The following IL17REL variants were observed in gnomAD, a reference collection of about 807,000 sequenced individuals.
IL17REL encodes interleukin-17 receptor E-like protein.
Under a neutral mutation model 49.0 loss-of-function variants are expected in IL17REL, and 36 were observed. The ratio of observed to expected loss-of-function variants is 0.73; its 90% CI spans 0.56 to 0.97. The LOEUF is 0.97. Among genes scored for constraint, IL17REL ranks in the 50% least tolerant of loss-of-function variants. The pLI is 0.00. For missense variants in IL17REL, 470 were observed against 453.9 expected (o/e 1.04, Z -0.32); for synonymous variants, 206 against 192.4 (o/e 1.07, Z -0.58).
chr22:49,999,719 G>C (rs1601887177), intron 5 of IL17REL, 109 bp downstream of exon 7: 2 of 219,690 alleles, frequency 9.1e-6, no homozygotes, highest in Non-Finnish European at 1.1e-5. Context: ...GGCGGGGCGC[G>C]GGGGGTGGGC....
intron 1 of IL17REL, among the ~76,000 whole-genome samples, chr22:50,002,629 G>A (rs1371912080): frequency 6.6e-6 from 1 of 151,848 alleles, no homozygotes; most frequent in African/African-American, 2.4e-5. Context: ...CGAGTAGTCG[G>A]GATTACAGGC....
At chr22:50,001,039 G>C (rs2061076619) in intron 2 of IL17REL, 43 bp downstream of exon 3, 1 of 1,456,034 alleles carries the variant, frequency 6.9e-7, no homozygotes, top group Non-Finnish European at 9.4e-7. Context: ...GCCCACTGCT[G>C]GACCTGCGGG....
intron 1 of IL17REL, among the ~76,000 whole-genome samples, chr22:50,006,152 C>T (rs2061109358): frequency 6.6e-6 from 1 of 152,008 alleles, no homozygotes; most frequent in South Asian, 2.1e-4. Flanking sequence ...TGAGCTAGGC[C>T]TTGACCTGGG....
chr22:50,000,664 A>G (rs891228367), intron 3 of IL17REL, 72 bp from the exon 5 acceptor site: 18 of 1,545,606 alleles, frequency 1.2e-5, no homozygotes, highest in Non-Finnish European at 1.5e-5. Flanking sequence ...CTCCACTTGC[A>G]TGGCTGGAGC....
chr22:49,999,729 C>CG lies in IL17REL; in HGVS notation c.474+98dup, dbSNP rs1211316911. On this transcript the variant is annotated intron_variant, in intron 5 of 12. Transcript: ENST00000341280. ...CCGGGGGCGGGGCGCGGGGGGTGGG[C>CG]GGGGCGCGGGGTGGGCGGGGCCTAA... 70 of 506,694 alleles carry CG rather than the reference C, an allele frequency of 1.4e-4. 3 individuals are homozygous for CG. In the South Asian group the frequency reaches 3.4e-3, roughly 25 times the overall value. The allele number at this position is 506,694 out of a possible 1,614,324, so 31.4% of individuals were successfully genotyped here. A position where few individuals can be genotyped will look rare whatever the true frequency, so the allele number is the denominator to read the frequency against.
intron 5 of IL17REL, 96 bp from the exon 8 acceptor site, chr22:49,999,598 G>A: frequency 1.0e-6 from 1 of 997,110 alleles, no homozygotes; most frequent in Admixed American, 2.1e-5. Flanking sequence ...GAGCGGGGAC[G>A]GGAGGTGGGT....
intron 5 of IL17REL, 92 bp downstream of exon 7, chr22:49,999,719 GGGGGGTGGGCGGGGCGC>G (rs1490686407): frequency 0.094 from 20,557 of 219,664 alleles, 2,553 homozygotes; most frequent in Admixed American, 0.23. Context: ...GGCGGGGCGC[GGGGGGTGGGCGGGGCGC>G]GGGGTGGGCG....
At chr22:49,994,684 G>A (rs532610191) in exon 13 of IL17REL, 23 of 152,524 alleles carry the variant, frequency 1.5e-4, no homozygotes, top group African/African-American at 5.1e-4. Context: ...GACTGCGGTG[G>A]GAGTGCATCT....
rs755837483 is a variant in IL17REL at position 49,998,189 on chromosome 22, G to A, written c.722C>T (p.Pro241Leu). The change falls in exon 8 of 13, where the codon CCG becomes CTG. Residue 241 changes from proline (P) to leucine (L), a missense_variant. Coordinates refer to ENST00000341280, the Ensembl canonical transcript of IL17REL. ...CTGCAGCTTACGGCAGCCGGCCCCC[G>A]GCCCCGGGCGCCAGCACAGGCTCAC... is the stretch of plus-strand genomic sequence containing the variant. 228 of 1,611,246 alleles carry A rather than the reference G, an allele frequency of 1.4e-4. 1 individual carries two copies. In the South Asian group the frequency reaches 1.6e-3, roughly 11 times the overall value.
At chr22:49,998,406 G>A in intron 7 of IL17REL, 97 bp from the exon 10 acceptor site, 2 of 1,121,064 alleles carry the variant, frequency 1.8e-6, no homozygotes, top group African/African-American at 3.7e-5. Context: ...ACTGGGCCAG[G>A]GTCCAGCGCA....
chr22:49,998,529 T>C (rs2061051786), intron 7 of IL17REL, among the ~76,000 whole-genome samples: 1 of 150,774 alleles, frequency 6.6e-6, no homozygotes, highest in Admixed American at 6.6e-5. Flanking sequence ...TGTGTGCCTG[T>C]GCATGGGTGT....
intron 1 of IL17REL, among the ~76,000 whole-genome samples, chr22:50,003,122 G>A (rs926408752): frequency 6.6e-6 from 1 of 152,162 alleles, no homozygotes; most frequent in Non-Finnish European, 1.5e-5. Flanking sequence ...AGAGGATAAC[G>A]CAGAGAGAGC....
At chr22:49,995,844 G>A (rs895867480) in exon 13 of IL17REL, 1 of 152,822 alleles carries the variant, frequency 6.5e-6, no homozygotes. Context: ...ACCTGAGCCA[G>A]GCCCGGTCCT....
intron 1 of IL17REL, among the ~76,000 whole-genome samples, 181 bp from the exon 3 acceptor site, chr22:50,001,412 G>C (rs1190893584): frequency 6.6e-6 from 1 of 152,156 alleles, no homozygotes; most frequent in Non-Finnish European, 1.5e-5. Context: ...CCCACCCCGA[G>C]ACACACTCCA....
chr22:50,001,403 C>T (rs2061079492), intron 1 of IL17REL, among the ~76,000 whole-genome samples, 172 bp from the exon 3 acceptor site: 1 of 152,164 alleles, frequency 6.6e-6, no homozygotes, highest in Non-Finnish European at 1.5e-5. Context: ...TGGTGAGCCC[C>T]CACCCCGAGA....
chr22:50,010,260 C>T (rs2061132169), upstream of IL17REL, among the ~76,000 whole-genome samples: 1 of 152,248 alleles, frequency 6.6e-6, no homozygotes, highest in Admixed American at 6.5e-5. Context: ...GGAGCAGGGC[C>T]TCAAACGAGG....
chr22:49,997,805 G>A, intron 9 of IL17REL, 63 bp from the exon 12 acceptor site: 2 of 1,540,008 alleles, frequency 1.3e-6, no homozygotes. Context: ...CAGGGACAGG[G>A]GCAGGGACAG....
intron 1 of IL17REL, among the ~76,000 whole-genome samples, chr22:50,003,293 G>A (rs889245887): frequency 4.6e-5 from 7 of 151,792 alleles, no homozygotes; most frequent in Non-Finnish European, 7.4e-5. Context: ...AGGCCAAGGC[G>A]GGCGGATCAC....
chr22:49,992,382 G>A (rs1052767963), downstream of IL17REL, among the ~76,000 whole-genome samples: 1 of 152,218 alleles, frequency 6.6e-6, no homozygotes, highest in African/African-American at 2.4e-5. Flanking sequence ...TGCAGTCTCT[G>A]TTCACACATC....
Sources: gnomAD v4.1 joint callset for allele counts (sites outside exome capture counted in the v4.1 genomes callset) on GRCh38, gnomAD v4.1.1 for gene constraint, MANE v1.5 for transcripts, NCBI Gene and HGNC (gene_info 2026-07-23, HGNC 2026-07-21) for gene names.